SDHAF3: variants seen among roughly 807,000 people sequenced by gnomAD.
The protein encoded by SDHAF3 is succinate dehydrogenase assembly factor 3, mitochondrial.
SDHAF3 carries 18 observed loss-of-function variants against 11.5 expected under a neutral mutation model. That is an observed-to-expected ratio of 1.56 (90% CI 1.08 to 2.32). The LOEUF is 2.32. Among genes scored for constraint, SDHAF3 ranks in the 30% most tolerant of loss-of-function variants. The pLI is 0.00. For missense variants in SDHAF3, 200 were observed against 154.4 expected, an observed-to-expected ratio of 1.30 and a Z score of -1.57; for synonymous variants, 72 against 59.3, an observed-to-expected ratio of 1.21 and a Z score of -0.99.
rs1343054917 is a variant in SDHAF3 at position 97,117,735 on chromosome 7, G to T, written c.12G>T (p.Arg4=). Residue 4 remains arginine, a synonymous_variant, in exon 1 of 2, where the codon CGG becomes CGT. Transcript: ENST00000432641. MPG[R]HVSRVRALYK... is the part of the protein sequence containing the mutation. ...CGGCGTGGGGCGCTATGCCGGGGCG[G>T]CACGTTTCTCGAGTCCGGGCATTGT... 1 of 1,612,838 alleles carries T rather than the reference G, an allele frequency of 6.2e-7. No homozygotes were observed. Among genetic ancestry groups the T allele is most frequent in the Middle Eastern group, 1.7e-4 (1 of 6,046 alleles).
intron 1 of SDHAF3, among the ~76,000 whole-genome samples, chr7:97,143,620 C>A (rs1041609260): frequency 2.0e-5 from 3 of 151,760 alleles, no homozygotes; most frequent in African/African-American, 7.3e-5. Flanking sequence ...CAGGTCACTG[C>A]AAATGTTGTT....
intron 1 of SDHAF3, among the ~76,000 whole-genome samples, chr7:97,122,982 C>G (rs1252327169): frequency 1.3e-5 from 2 of 151,012 alleles, no homozygotes; most frequent in Non-Finnish European, 3.0e-5. Context: ...TACTTTTTTA[C>G]TTTTTAAAAT....
Position 97,181,390 on chromosome 7 carries a change from AAAC to A in SDHAF3, c.*176_*178del, listed in dbSNP as rs1385619158. The A allele has an allele frequency of 2.0e-5, 10 of 490,108 alleles. No homozygotes were observed. The highest frequency in any genetic ancestry group is 3.6e-5 in the Non-Finnish European group (10 of 281,540). The allele number at this position is 490,108 out of a possible 1,614,324, so 30.4% of individuals were successfully genotyped here. Reference sequence around the variant, plus strand: ...CAAGATCACTAGTGACAATTGAAAAAAACTATTGGAATAATAGCACTTGTATGA... The same window carrying A: ...CAAGATCACTAGTGACAATTGAAAAATATTGGAATAATAGCACTTGTATGA... On this transcript the variant is annotated 3_prime_UTR_variant, in exon 2 of 2. Coordinates refer to ENST00000432641, the MANE Select transcript of SDHAF3 (RefSeq NM_020186.3).
intron 1 of SDHAF3, among the ~76,000 whole-genome samples, chr7:97,120,782 C>T (rs995742139): frequency 1.3e-5 from 2 of 151,936 alleles, no homozygotes; most frequent in East Asian, 1.9e-4. Flanking sequence ...TCAGGGGCAA[C>T]GTTGGGTATA....
rs150346786 is a variant in SDHAF3 at position 97,124,575 on chromosome 7, A to G, written c.174+6678A>G. Among the ~76,000 whole-genome samples the G allele has an allele frequency of 6.2e-4, 94 of 152,290 alleles. 1 individual carries two copies. The East Asian group carries it at 0.016, about 27-fold the overall frequency. The stretch of plus-strand genomic sequence containing the variant: ...GATAGGAATAGCATTGAATGTATAA[A>G]TTACTTTGAGCAGTATGGCCATTTT... On this transcript the variant is annotated intron_variant, in intron 1 of 1. Transcript: ENST00000432641.
intron 1 of SDHAF3, among the ~76,000 whole-genome samples, chr7:97,135,898 A>G (rs975905841): frequency 7.3e-5 from 11 of 151,644 alleles, no homozygotes; most frequent in Admixed American, 3.3e-4. Flanking sequence ...CGTGTTAGCC[A>G]GGATGGTCTC....
intron 1 of SDHAF3, among the ~76,000 whole-genome samples, chr7:97,144,004 T>A (rs1337105038): frequency 6.6e-6 from 1 of 152,162 alleles, no homozygotes; most frequent in Non-Finnish European, 1.5e-5. Context: ...TCTATTATTT[T>A]TTTATTTTTT....
intron 1 of SDHAF3, among the ~76,000 whole-genome samples, chr7:97,118,595 T>C (rs531210477): frequency 1.4e-4 from 22 of 152,070 alleles, no homozygotes; most frequent in African/African-American, 5.3e-4. Flanking sequence ...ATTCAGAGTA[T>C]TTCGTGGGGC....
intron 1 of SDHAF3, among the ~76,000 whole-genome samples, chr7:97,152,060 G>A (rs1056085247): frequency 4.6e-5 from 7 of 152,084 alleles, no homozygotes; most frequent in African/African-American, 7.2e-5. Flanking sequence ...AATGTATAAC[G>A]ACATGTATCC....
chr7:97,118,134 G>A (rs979908791), intron 1 of SDHAF3, among the ~76,000 whole-genome samples: 3 of 152,114 alleles, frequency 2.0e-5, no homozygotes, highest in Admixed American at 6.5e-5. Context: ...CAGATGCCAG[G>A]TGCTCAAAGG....
intron 1 of SDHAF3, among the ~76,000 whole-genome samples, chr7:97,122,012 T>TG (rs1791508310): frequency 6.6e-6 from 1 of 151,980 alleles, no homozygotes; most frequent in South Asian, 2.1e-4. Context: ...CGCCCACCAC[T>TG]GCGCCCAGCT....
intron 1 of SDHAF3, among the ~76,000 whole-genome samples, chr7:97,140,164 C>A (rs190807573): frequency 1.2e-4 from 18 of 152,254 alleles, no homozygotes; most frequent in African/African-American, 4.3e-4. Flanking sequence ...GTTGTTTTGA[C>A]TCTGACTGTT....
chr7:97,180,483 T>A (rs953572597), intron 1 of SDHAF3, among the ~76,000 whole-genome samples: 1 of 152,186 alleles, frequency 6.6e-6, no homozygotes, highest in East Asian at 1.9e-4. Flanking sequence ...AAGCTACATG[T>A]TGGGTATTGT....
chr7:97,160,669 G>A (rs1201055153), intron 1 of SDHAF3, among the ~76,000 whole-genome samples: 1 of 152,182 alleles, frequency 6.6e-6, no homozygotes, highest in African/African-American at 2.4e-5. Context: ...TGCGCTGTAA[G>A]CGGTTGTAAA....
At chr7:97,120,535 A>T (rs372072217) in intron 1 of SDHAF3, among the ~76,000 whole-genome samples, 2 of 151,930 alleles carry the variant, frequency 1.3e-5, no homozygotes, top group African/African-American at 4.8e-5. Context: ...TGATTATGTT[A>T]TACTAGATAC....
chr7:97,176,114 A>C (rs2115750116), intron 1 of SDHAF3, among the ~76,000 whole-genome samples: 1 of 152,326 alleles, frequency 6.6e-6, no homozygotes, highest in Non-Finnish European at 1.5e-5. Flanking sequence ...TCATCTCAGA[A>C]TCCTCAATCA....
chr7:97,171,805 G>GTAAT lies in SDHAF3; in HGVS notation c.175-9205_175-9202dup, dbSNP rs2115740594. Among the ~76,000 whole-genome samples the GTAAT allele has an allele frequency of 2.0e-5, 3 of 151,952 alleles. No homozygotes were observed. The South Asian group carries it at 6.2e-4, about 32-fold the overall frequency. On this transcript the variant is annotated intron_variant, in intron 1 of 1. Transcript: ENST00000432641. ...ATTATTACTTTGGGGCCATTTAGTTGTAATTTTGTTTTAGAAAACACAGAT... is the reference window on the plus strand; with the variant it reads ...ATTATTACTTTGGGGCCATTTAGTTGTAATTAATTTTGTTTTAGAAAACACAGAT...
chr7:97,147,816 C>T (rs1261663409), intron 1 of SDHAF3, among the ~76,000 whole-genome samples: 1 of 152,180 alleles, frequency 6.6e-6, no homozygotes, highest in African/African-American at 2.4e-5. Flanking sequence ...CTAATAAGAA[C>T]ATTGTTTCTT....
At chr7:97,133,789 C>G (rs149619299) in intron 1 of SDHAF3, among the ~76,000 whole-genome samples, 2 of 152,324 alleles carry the variant, frequency 1.3e-5, no homozygotes, top group African/African-American at 4.8e-5. Flanking sequence ...TAACTCAAAG[C>G]ATTTCTAAAG....
Sources: gnomAD v4.1 joint callset for allele counts (sites outside exome capture counted in the v4.1 genomes callset) on GRCh38, gnomAD v4.1.1 for gene constraint, MANE v1.5 for transcripts, NCBI Gene and HGNC (gene_info 2026-07-23, HGNC 2026-07-21) for gene names.